C12orf42: variants seen among roughly 807,000 people sequenced by gnomAD.
C12orf42 encodes chromosome 12 open reading frame 42.
In C12orf42, 25 loss-of-function variants were observed where a neutral mutation model predicts 21.6. The ratio of observed to expected loss-of-function variants is 1.16; its 90% confidence interval spans 0.84 to 1.62. The LOEUF (loss-of-function observed/expected upper bound fraction) is 1.62, where lower values mean the gene tolerates loss of function less well. C12orf42 is among the 40% of genes most tolerant of loss of function. The pLI is 0.00. For synonymous variants in C12orf42, 174 were observed against 175.0 expected (o/e 0.99, Z 0.05); for missense variants, 483 against 459.3 (o/e 1.05, Z -0.47).
the C12orf42 span, among the ~76,000 whole-genome samples, chr12:103,112,032 T>A: frequency 1.7e-3 from 264 of 152,320 alleles, 1 homozygote; most frequent in Non-Finnish European, 7.8e-4. Flanking sequence ...TAGTCTGTGG[T>A]CTTATCTGCG....
the C12orf42 span, among the ~76,000 whole-genome samples, chr12:103,111,928 A>G: frequency 2.0e-5 from 3 of 152,250 alleles, no homozygotes; most frequent in South Asian, 4.1e-4. Context: ...TGATAAGAAC[A>G]AACCCTGTCT....
intron 2 of C12orf42, among the ~76,000 whole-genome samples, chr12:103,425,383 C>T (rs1949722231): frequency 6.6e-6 from 1 of 152,190 alleles, no homozygotes. Flanking sequence ...CCCCGTGCCT[C>T]CTGACTGTGA....
At chr12:103,218,652 G>T in the C12orf42 span, among the ~76,000 whole-genome samples, 50,291 of 151,954 alleles carry the variant, frequency 0.33, 8,931 homozygotes, top group South Asian at 0.43. Flanking sequence ...TCAGGCTGTG[G>T]ACTGTGACAA....
At chr12:103,449,806 A>G (rs1951823588) in intron 2 of C12orf42, among the ~76,000 whole-genome samples, 1 of 147,040 alleles carries the variant, frequency 6.8e-6, no homozygotes, top group Non-Finnish European at 1.5e-5. Flanking sequence ...GTTCCATTTG[A>G]AAAAAAAAAA....
chr12:103,108,872 T>C, the C12orf42 span, among the ~76,000 whole-genome samples: 2 of 152,256 alleles, frequency 1.3e-5, no homozygotes, highest in East Asian at 3.9e-4. Flanking sequence ...AACTACAAAT[T>C]ACCTATGAAT....
chr12:103,489,517 C>T (rs932805317), intron 1 of C12orf42, among the ~76,000 whole-genome samples: 10 of 152,238 alleles, frequency 6.6e-5, no homozygotes, highest in African/African-American at 1.2e-4. Flanking sequence ...AGTCTGCAGA[C>T]GTTACTGCTG....
At chr12:103,104,413 G>T in the C12orf42 span, among the ~76,000 whole-genome samples, 10 of 152,076 alleles carry the variant, frequency 6.6e-5, no homozygotes, top group Admixed American at 2.0e-4. Context: ...ATAGCTAGGC[G>T]TTAGGGTTTC....
At chr12:103,485,179 T>G (rs1954751443) in intron 1 of C12orf42, among the ~76,000 whole-genome samples, 1 of 152,146 alleles carries the variant, frequency 6.6e-6, no homozygotes, top group South Asian at 2.1e-4. Context: ...CAGTTTCAGT[T>G]TTCTACATAT....
the C12orf42 span, among the ~76,000 whole-genome samples, chr12:103,108,630 C>T: frequency 6.6e-6 from 1 of 152,072 alleles, no homozygotes; most frequent in Non-Finnish European, 1.5e-5. Flanking sequence ...GACAATCTGT[C>T]TCAAACTGTA....
intron 3 of C12orf42, among the ~76,000 whole-genome samples, chr12:103,369,430 T>G (rs4462440): frequency 0.14 from 21,830 of 151,098 alleles, 1,919 homozygotes; most frequent in South Asian, 0.28. Context: ...AGAGATACAT[T>G]TTCATACAGG....
In C12orf42 at chr12:103,437,210, G is replaced by A. The variant is rs199791010; in HGVS notation, c.79-35535C>T. 1.6e-3 allele frequency among the ~76,000 whole-genome samples: 244 copies of A among 152,184 alleles called. 4 individuals are homozygous for A. The East Asian group carries it at 0.039, about 24-fold the overall frequency. On this transcript the variant is annotated intron_variant, in intron 2 of 5. Transcript: ENST00000548883. ...TAAAGATGTTCTTTGAAACCAGCGA[G>A]AACAAAGACACAACATACCAGAATC...
At chr12:103,363,238 C>T (rs2044272180) in intron 4 of C12orf42, among the ~76,000 whole-genome samples, 1 of 152,034 alleles carries the variant, frequency 6.6e-6, no homozygotes, top group Admixed American at 6.6e-5. Context: ...ATTTTGGATC[C>T]AGTGAAACTA....
At chr12:103,268,306 A>G (rs1566006017), downstream of C12orf42, 1 of 152,080 alleles carries the variant, frequency 6.6e-6, no homozygotes, top group Admixed American at 6.6e-5. Context: ...TGTCTCAGCC[A>G]CATCTGTATA....
At chr12:103,116,957 ATT>A in the C12orf42 span, among the ~76,000 whole-genome samples, 1 of 152,198 alleles carries the variant, frequency 6.6e-6, no homozygotes, top group Non-Finnish European at 1.5e-5. Context: ...ATAGGGAAAC[ATT>A]TGTTTCCATA....
At chr12:103,529,846 C>A in the C12orf42 span, among the ~76,000 whole-genome samples, 1 of 152,140 alleles carries the variant, frequency 6.6e-6, no homozygotes, top group Non-Finnish European at 1.5e-5. Flanking sequence ...TTCCCTCACC[C>A]CCAAAGAGAT....
chr12:103,495,965 C>G lies in C12orf42; in HGVS notation c.-85G>C. The G allele has an allele frequency of 6.6e-6, 1 of 152,468 alleles. No individual in the cohort carries two copies. The highest frequency in any genetic ancestry group is 2.1e-4 in the South Asian group (1 of 4,830). The allele number at this position is 152,468 out of a possible 1,614,324, so 9.4% of individuals were successfully genotyped here. On this transcript the variant is annotated 5_prime_UTR_variant, in exon 1 of 6. Coordinates refer to ENST00000548883, the MANE Select transcript of C12orf42 (RefSeq NM_198521.5). The stretch of plus-strand genomic sequence containing the variant: ...AGCCTCCTCCGCGGGAGCTGGAGCA[C>G]TCTGCTGGGTCCTGGGGACGCGGCG...
At chr12:103,508,281 A>T in the C12orf42 span, among the ~76,000 whole-genome samples, 1 of 152,226 alleles carries the variant, frequency 6.6e-6, no homozygotes, top group Non-Finnish European at 1.5e-5. Flanking sequence ...CCATACGATC[A>T]GCAAAATTTA....
intron 1 of C12orf42, among the ~76,000 whole-genome samples, chr12:103,490,072 G>A (rs1037236530): frequency 6.6e-5 from 10 of 152,120 alleles, no homozygotes; most frequent in Non-Finnish European, 1.3e-4. Context: ...ATTCCTATTC[G>A]GCCATCTTGG....
chr12:103,506,434 G>C, the C12orf42 span, among the ~76,000 whole-genome samples: 1 of 151,730 alleles, frequency 6.6e-6, no homozygotes. Flanking sequence ...ATATCGGGTT[G>C]TATATGCAAT....
Sources: allele counts gnomAD v4.1 joint callset (sites outside exome capture counted in the v4.1 genomes callset), GRCh38; gene constraint gnomAD v4.1.1; transcripts MANE v1.5; gene names NCBI Gene and HGNC (gene_info 2026-07-23, HGNC 2026-07-21).